NUDT5: variants seen among roughly 807,000 people sequenced by gnomAD.
NUDT5 encodes the protein nudix hydrolase 5, also known as ADP-sugar pyrophosphatase.
A neutral mutation model predicts 34.1 loss-of-function variants in NUDT5; 21 were observed. That is an observed-to-expected ratio of 0.62 (90% CI 0.44 to 0.89). The LOEUF is 0.89. NUDT5 is among the 40% of genes least tolerant of loss of function. The pLI, the probability that NUDT5 is intolerant of heterozygous loss-of-function variation, is 0.00. For synonymous variants in NUDT5, 85 were observed against 97.6 expected, an observed-to-expected ratio of 0.87 and a Z score of 0.76; for missense variants, 249 against 274.8, an observed-to-expected ratio of 0.91 and a Z score of 0.66.
rs994991610 is a variant in NUDT5 at position 12,182,390 on chromosome 10, C to T, written c.131+2499G>A. 6.6e-6 allele frequency among the ~76,000 whole-genome samples: 1 copy of T among 152,170 alleles called. No individual in the cohort carries two copies. The highest frequency in any genetic ancestry group is 6.5e-5 in the Admixed American group (1 of 15,270). ...GGCTTTTATATCAGGTCAGAGATAA[C>T]ACATCCTATAAATTATACATCGTGG... On this transcript the variant is annotated intron_variant, in intron 3 of 9. Coordinates refer to ENST00000491614, the MANE Select transcript of NUDT5 (RefSeq NM_014142.4). This position sits in a 1 kb window ranked among gnomAD's most constrained non-coding sequence, Gnocchi z 4.3.
At chr10:12,186,099 A>G in intron 2 of NUDT5, 130 bp downstream of exon 2, 2 of 751,796 alleles carry the variant, frequency 2.7e-6, no homozygotes, top group Non-Finnish European at 4.5e-6. Flanking sequence ...GAGCCCAAAA[A>G]AGGGAGTAGG....
intron 4 of NUDT5, among the ~76,000 whole-genome samples, chr10:12,178,802 C>T (rs1167455192): frequency 6.6e-6 from 1 of 152,210 alleles, no homozygotes; most frequent in Non-Finnish European, 1.5e-5. Flanking sequence ...GAAGTCATAA[C>T]ACGTCTAGAC....
In NUDT5 at chr10:12,166,459, T is replaced by G. The variant is rs946154913; in HGVS notation, c.*1243A>C. ...TCATCTGTAAAGTTCTGTATTTCCA[T>G]AATTGTTTTATCTTTAGGAAGTCCA... On this transcript the variant is annotated 3_prime_UTR_variant, in exon 10 of 10. Transcript: ENST00000491614. 1 of 237,476 alleles carries G rather than the reference T, an allele frequency of 4.2e-6. No homozygotes were observed. The highest frequency in any genetic ancestry group is 8.6e-6 in the Non-Finnish European group (1 of 115,992). The allele number at this position is 237,476 out of a possible 1,614,324, so 14.7% of individuals were successfully genotyped here. A position where few individuals can be genotyped will look rare whatever the true frequency, so the allele number is the denominator to read the frequency against.
intron 1 of NUDT5, among the ~76,000 whole-genome samples, chr10:12,189,812 T>A (rs929246115): frequency 3.3e-5 from 5 of 152,196 alleles, no homozygotes; most frequent in African/African-American, 1.2e-4. Context: ...ACTTCATTAG[T>A]TAGAATTTAA....
chr10:12,183,361 A>C (rs1835074489), intron 3 of NUDT5, among the ~76,000 whole-genome samples: 1 of 152,186 alleles, frequency 6.6e-6, no homozygotes, highest in Non-Finnish European at 1.5e-5. Context: ...GTTTTAATTC[A>C]GCAGTGCTAT....
intron 7 of NUDT5, chr10:12,172,518 A>G (rs1245560987): frequency 3.6e-6 from 2 of 548,624 alleles, no homozygotes; most frequent in South Asian, 2.1e-5. Flanking sequence ...AATACACTTC[A>G]TATAGAAAAC....
intron 6 of NUDT5, 110 bp from the exon 7 acceptor site, chr10:12,172,976 G>A (rs777507460): frequency 1.8e-5 from 13 of 737,588 alleles, no homozygotes; most frequent in South Asian, 5.3e-5. Context: ...GAGGTGATGC[G>A]GGAAAACTAG....
Position 12,171,387 on chromosome 10 carries a change from C to CGTAG in NUDT5, c.488-483_488-480dup, listed in dbSNP as rs1834850077. On this transcript the variant is annotated intron_variant, in intron 7 of 9. Coordinates refer to ENST00000491614, the MANE Select transcript of NUDT5 (RefSeq NM_014142.4). The surrounding 1 kb of genome is among the most constrained non-coding windows in gnomAD (Gnocchi z 4.2). ...TTTGTCTATTCTGGGCACCCAGATA[C>CGTAG]GTAGAATCAGAGTATTTGCCCATCA... Among the ~76,000 whole-genome samples, 4 of 152,172 alleles carry CGTAG rather than the reference C, an allele frequency of 2.6e-5. No individual in the cohort carries two copies. The highest frequency in any genetic ancestry group is 6.5e-5 in the Admixed American group (1 of 15,270).
chr10:12,191,947 C>T (rs941605436), intron 1 of NUDT5, among the ~76,000 whole-genome samples: 1 of 152,122 alleles, frequency 6.6e-6, no homozygotes, highest in Non-Finnish European at 1.5e-5. Context: ...ACTCAATCAC[C>T]GTACCCGAAT....
chr10:12,172,107 T>C (rs1034946190), intron 7 of NUDT5, among the ~76,000 whole-genome samples: 1 of 152,150 alleles, frequency 6.6e-6, no homozygotes, highest in Non-Finnish European at 1.5e-5. Context: ...TTAAAGAATA[T>C]CACTGATACT....
rs1204617009 is a variant in NUDT5, at chr10:12,171,290, AGAAACTC to A, written c.488-389_488-383del. Among the ~76,000 whole-genome samples the A allele has an allele frequency of 5.9e-5, 9 of 152,204 alleles. No individual in the cohort carries two copies. Among genetic ancestry groups the A allele is most frequent in the African/African-American group, 2.2e-4 (9 of 41,460 alleles). On this transcript the variant is annotated intron_variant, in intron 7 of 9. Coordinates refer to ENST00000491614, the MANE Select transcript of NUDT5 (RefSeq NM_014142.4). The surrounding 1 kb of genome is among the most constrained non-coding windows in gnomAD (Gnocchi z 4.2). The stretch of plus-strand genomic sequence containing the variant: ...TCCAGAACTTTTCATGACACCCAAC[AGAAACTC>A]GGGATCCACTCAACACTAATTCCCC...
chr10:12,184,979 GT>G lies in NUDT5; in HGVS notation c.64-24del, dbSNP rs748242161. On this transcript the variant is annotated intron_variant, in intron 2 of 9. Transcript: ENST00000491614. Reference sequence around the variant, plus strand: ...TAACTAAAAGGATATCAGATAATAAGTTGGGAAACTTTCAAACCAAGTTGTT... The same window carrying G: ...TAACTAAAAGGATATCAGATAATAAGTGGGAAACTTTCAAACCAAGTTGTT... 6.8e-6 allele frequency: 9 copies of G among 1,323,990 alleles called. No homozygotes were observed. In the African/African-American group the frequency reaches 1.3e-4, roughly 19 times the overall value. 82.0% of individuals were successfully genotyped at this position (1,323,990 alleles called of 1,614,324 possible).
chr10:12,184,845 G>T, intron 3 of NUDT5, 44 bp downstream of exon 3: 1 of 1,080,028 alleles, frequency 9.3e-7, no homozygotes, highest in Non-Finnish European at 1.4e-6. Context: ...GATAACCTGA[G>T]AACCCAAATA....
At position 12,169,960 on chromosome 10, in the gene NUDT5, A is replaced by G; in HGVS notation, c.550+757T>C. The G allele has an allele frequency of 1.6e-6, 1 of 643,496 alleles. No homozygotes were observed. Among genetic ancestry groups the G allele is most frequent in the South Asian group, 2.1e-5 (1 of 48,256 alleles). 39.9% of individuals were successfully genotyped at this position (643,496 alleles called of 1,614,324 possible). ...CCCAATAAAATATTCCCATGATGACAAGTGTCTGCTTCTTTCTAGATGAGT... is the reference window on the plus strand; with the variant it reads ...CCCAATAAAATATTCCCATGATGACGAGTGTCTGCTTCTTTCTAGATGAGT... On this transcript the variant is annotated intron_variant, in intron 9 of 9. Coordinates refer to ENST00000491614, the MANE Select transcript of NUDT5 (RefSeq NM_014142.4). This position sits in a 1 kb window ranked among gnomAD's most constrained non-coding sequence, Gnocchi z 4.8.
chr10:12,182,610 A>G lies in NUDT5; in HGVS notation c.131+2279T>C, dbSNP rs558202671. On this transcript the variant is annotated intron_variant, in intron 3 of 9. Coordinates refer to ENST00000491614, the MANE Select transcript of NUDT5 (RefSeq NM_014142.4). The surrounding 1 kb of genome is among the most constrained non-coding windows in gnomAD (Gnocchi z 4.3). ...CAATCTACTGAAATAGATATTCTGA[A>G]GTGAGATTTCGTCGTATTTTCAGAA... is the stretch of plus-strand genomic sequence containing the variant. Among the ~76,000 whole-genome samples, 1 of 152,322 alleles carries G rather than the reference A, an allele frequency of 6.6e-6. No individual in the cohort carries two copies. Among genetic ancestry groups the G allele is most frequent in the African/African-American group, 2.4e-5 (1 of 41,586 alleles).
chr10:12,173,570 G>A lies in NUDT5; in HGVS notation c.385+148C>T. On this transcript the variant is annotated intron_variant, in intron 6 of 9. Transcript: ENST00000491614. The surrounding 1 kb of genome is among the most constrained non-coding windows in gnomAD (Gnocchi z 4.7). ...CCTTCTGGCTCCAGTTTCCTCCTGG[G>A]AGGGGAGATTCCCTTACACTTGGTG... 4.6e-6 allele frequency: 3 copies of A among 646,854 alleles called. No homozygotes were observed. Among genetic ancestry groups the A allele is most frequent in the South Asian group, 3.7e-5 (2 of 53,658 alleles). 40.1% of individuals were successfully genotyped at this position (646,854 alleles called of 1,614,324 possible). A position where few individuals can be genotyped will look rare whatever the true frequency, so the allele number is the denominator to read the frequency against.
chr10:12,184,133 C>A (rs1174861600), intron 3 of NUDT5, among the ~76,000 whole-genome samples: 1 of 152,178 alleles, frequency 6.6e-6, no homozygotes, highest in African/African-American at 2.4e-5. Flanking sequence ...CTCACTGCAA[C>A]TTCCGCCTCC....
chr10:12,184,095 A>C (rs556276520), intron 3 of NUDT5, among the ~76,000 whole-genome samples: 3 of 152,192 alleles, frequency 2.0e-5, no homozygotes, highest in Non-Finnish European at 4.4e-5. Context: ...TCTGTCACCC[A>C]GGCTGGAGTG....
intron 1 of NUDT5, among the ~76,000 whole-genome samples, 155 bp from the exon 2 acceptor site, chr10:12,186,487 G>T (rs1230850569): frequency 2.0e-5 from 3 of 152,198 alleles, no homozygotes; most frequent in Non-Finnish European, 4.4e-5. Context: ...AGGTGGAAAT[G>T]TGAACAGGGA....
Sources: allele counts gnomAD v4.1 joint callset (sites outside exome capture counted in the v4.1 genomes callset), GRCh38; gene constraint gnomAD v4.1.1; non-coding constraint Gnocchi (gnomAD v3.1); transcripts MANE v1.5; gene names NCBI Gene and HGNC (gene_info 2026-07-23, HGNC 2026-07-21).